Variants in ANO1 observed in about 807,000 individuals in gnomAD.
ANO1 encodes anoctamin-1.
Under a neutral mutation model 124.0 loss-of-function variants are expected in ANO1, and 59 were observed. That is an observed-to-expected ratio of 0.48 (90% CI 0.39 to 0.59). The LOEUF is 0.59. ANO1 is among the 20% of genes least tolerant of loss of function. The probability of loss-of-function intolerance (pLI) is 0.00; values close to 1 mark genes in which losing one functional copy is unlikely to be tolerated. For missense variants in ANO1, 1,059 were observed against 1,328.0 expected (o/e 0.80, Z 3.15); for synonymous variants, 529 against 532.0 (o/e 0.99, Z 0.08).
chr11:70,030,057 G>C (rs1403205849), intron 1 of ANO1, among the ~76,000 whole-genome samples: 3 of 152,200 alleles, frequency 2.0e-5, no homozygotes, highest in African/African-American at 4.8e-5. Flanking sequence ...AGGAGGGGTG[G>C]GGAGGGTACC....
chr11:69,968,681 G>T, the ANO1 span, among the ~76,000 whole-genome samples: 2 of 152,196 alleles, frequency 1.3e-5, no homozygotes, highest in South Asian at 2.1e-4. Flanking sequence ...CTCAGGCAGG[G>T]TCCCTTCCCA....
intron 6 of ANO1, 149 bp downstream of exon 6, chr11:70,108,553 T>G (rs1275620809): frequency 1.4e-5 from 12 of 875,756 alleles, no homozygotes; most frequent in Non-Finnish European, 2.2e-5. Flanking sequence ...ACAAGAGGGC[T>G]GGGTTGGGAG....
At chr11:70,186,395 G>A (rs187449113) in intron 25 of ANO1, among the ~76,000 whole-genome samples, 13 of 146,100 alleles carry the variant, frequency 8.9e-5, no homozygotes, top group East Asian at 4.3e-4. Flanking sequence ...AGGAAGGAAG[G>A]AAGAAAGACA....
intron 8 of ANO1, among the ~76,000 whole-genome samples, chr11:70,117,096 CTTTCTT>C (rs1241440219): frequency 0.016 from 1,228 of 75,814 alleles, 5 homozygotes; most frequent in African/African-American, 0.055. Context: ...TTCTTTGTTT[CTTTCTT>C]TTTTTTTTTT....
At chr11:69,998,328 C>T (rs932512612) in intron 1 of ANO1, among the ~76,000 whole-genome samples, 9 of 152,380 alleles carry the variant, frequency 5.9e-5, no homozygotes, top group Admixed American at 2.0e-4. Flanking sequence ...CCAATCCCCC[C>T]GCCCCATTGC....
At chr11:70,098,614 C>T (rs1476293538) in intron 2 of ANO1, among the ~76,000 whole-genome samples, 2 of 152,134 alleles carry the variant, frequency 1.3e-5, no homozygotes, top group Non-Finnish European at 2.9e-5. Context: ...GAAAGAAGCT[C>T]ACCCCCTAGG....
chr11:70,169,813 T>TG lies in ANO1; in HGVS notation c.2198-1074_2198-1073insG, dbSNP rs2048387643. Reference sequence around the variant, plus strand: ...ACCCCGCACGGCCCACCCCACATGCTAACAATGCCCACACTCAGCCCGCCA... The same window carrying TG: ...ACCCCGCACGGCCCACCCCACATGCTGAACAATGCCCACACTCAGCCCGCCA... On this transcript the variant is annotated intron_variant, in intron 21 of 25. Coordinates refer to ENST00000355303, the MANE Select transcript of ANO1 (RefSeq NM_018043.7). Among the ~76,000 whole-genome samples, 4 of 152,138 alleles carry TG rather than the reference T, an allele frequency of 2.6e-5. No homozygotes were observed. In the South Asian group the frequency reaches 8.3e-4, roughly 31 times the overall value.
At chr11:70,095,332 AG>A (rs1181809583) in intron 2 of ANO1, among the ~76,000 whole-genome samples, 168 of 124,640 alleles carry the variant, frequency 1.3e-3, no homozygotes, top group East Asian at 8.5e-3. Context: ...AAAGAAAGAA[AG>A]GAAAGAGAAA....
At chr11:70,044,251 T>C (rs1047239666) in intron 1 of ANO1, among the ~76,000 whole-genome samples, 5 of 152,022 alleles carry the variant, frequency 3.3e-5, no homozygotes, top group African/African-American at 1.2e-4. Flanking sequence ...ATCCATTTAA[T>C]ACAAAAAAAG....
chr11:70,156,870 C>T, intron 15 of ANO1, 77 bp from the exon 16 acceptor site: 3 of 1,374,284 alleles, frequency 2.2e-6, no homozygotes, highest in South Asian at 1.2e-5. Context: ...CACGCACGCA[C>T]ATGCACCCAC....
At chr11:70,132,971 G>A (rs2046821248) in intron 11 of ANO1, among the ~76,000 whole-genome samples, 1 of 152,214 alleles carries the variant, frequency 6.6e-6, no homozygotes. Context: ...TGGAAGAGGT[G>A]TGAGGCCCTT....
At chr11:69,980,228 A>G in the ANO1 span, among the ~76,000 whole-genome samples, 1 of 152,194 alleles carries the variant, frequency 6.6e-6, no homozygotes, top group East Asian at 1.9e-4. Context: ...AGCCACATTC[A>G]CAGAGACAGA....
At chr11:70,099,557 C>T (rs2045174228) in intron 2 of ANO1, among the ~76,000 whole-genome samples, 1 of 152,166 alleles carries the variant, frequency 6.6e-6, no homozygotes, top group African/African-American at 2.4e-5. Context: ...TGTCTTTTCT[C>T]CTGACTCAGA....
In ANO1 at chr11:70,163,669, G is replaced by C. The variant is rs185702735; in HGVS notation, c.1950+329G>C. On this transcript the variant is annotated intron_variant, in intron 19 of 25. Transcript: ENST00000355303. ...GAATTAATGAGGGACGGGTGCAGTG[G>C]CTCATGCCTGTAATCCCAGCACTTT... 9.1e-4 allele frequency: 515 copies of C among 563,982 alleles called. 1 individual carries two copies. The highest frequency in any genetic ancestry group is 8.7e-3 in the African/African-American group (464 of 53,076). 34.9% of individuals were successfully genotyped at this position (563,982 alleles called of 1,614,324 possible). A position where few individuals can be genotyped will look rare whatever the true frequency, so the allele number is the denominator to read the frequency against.
At chr11:70,089,657 CA>C (rs1459372384) in intron 2 of ANO1, among the ~76,000 whole-genome samples, 1 of 152,160 alleles carries the variant, frequency 6.6e-6, no homozygotes, top group East Asian at 1.9e-4. Flanking sequence ...GATCAGGAAG[CA>C]AAGTTTGATC....
intron 1 of ANO1, among the ~76,000 whole-genome samples, chr11:70,058,094 G>A (rs369576583): frequency 5.3e-5 from 8 of 152,262 alleles, no homozygotes; most frequent in South Asian, 4.1e-4. Context: ...AGCATTTGTT[G>A]TATAGAATGA....
At position 70,166,506 on chromosome 11, in the gene ANO1, C is replaced by T. The variant is rs560643507; in HGVS notation, c.2052-736C>T. On this transcript the variant is annotated intron_variant, in intron 20 of 25. Transcript: ENST00000355303. ...AGATGGAGGCTGGGGGACTTGGCCTCGTTGTTACCTTGTACCCTTCGGAAA... is the reference window on the plus strand; with the variant it reads ...AGATGGAGGCTGGGGGACTTGGCCTTGTTGTTACCTTGTACCCTTCGGAAA... Among the ~76,000 whole-genome samples the T allele has an allele frequency of 3.2e-3, 482 of 152,212 alleles. 1 individual carries two copies. The highest frequency in any genetic ancestry group is 0.01 in the African/African-American group (424 of 41,544).
At chr11:70,130,606 A>G (rs2046714131) in intron 10 of ANO1, among the ~76,000 whole-genome samples, 1 of 152,096 alleles carries the variant, frequency 6.6e-6, no homozygotes, top group Non-Finnish European at 1.5e-5. Flanking sequence ...AGTATTTTCT[A>G]ATATTAGTGG....
At chr11:69,973,313 T>G in the ANO1 span, among the ~76,000 whole-genome samples, 1 of 152,208 alleles carries the variant, frequency 6.6e-6, no homozygotes, top group African/African-American at 2.4e-5. Context: ...CATAAAAATA[T>G]AATTTTCTTA....
Sources: gnomAD v4.1 joint callset for allele counts (sites outside exome capture counted in the v4.1 genomes callset) on GRCh38, gnomAD v4.1.1 for gene constraint, MANE v1.5 for transcripts, NCBI Gene and HGNC (gene_info 2026-07-23, HGNC 2026-07-21) for gene names.